ULK1: variants seen among roughly 807,000 people sequenced by gnomAD.
The protein encoded by ULK1 is serine/threonine-protein kinase ULK1.
Under a neutral mutation model 117.5 loss-of-function variants are expected in ULK1, and 48 were observed. The ratio of observed to expected loss-of-function variants is 0.41; its 90% confidence interval spans 0.32 to 0.52. ULK1 has a LOEUF of 0.52. Among genes scored for constraint, ULK1 ranks in the 20% least tolerant of loss-of-function variants. ULK1 has a pLI of 0.29. For synonymous variants in ULK1, 790 were observed against 637.8 expected, an observed-to-expected ratio of 1.24 and a Z score of -3.60; for missense variants, 1,387 against 1,473.4, an observed-to-expected ratio of 0.94 and a Z score of 0.96.
At position 131,921,533 on chromosome 12, in the gene ULK1, C is replaced by A. The variant is rs922043858; in HGVS notation, c.*172C>A. On this transcript the variant is annotated 3_prime_UTR_variant, in exon 28 of 28. Coordinates refer to ENST00000321867, the MANE Select transcript of ULK1 (RefSeq NM_003565.4). ...CTCCCTGCAGCTCACGGGGCAGAACCAGCACATCTGGAGCCACACAGCTTG... is the reference window on the plus strand; with the variant it reads ...CTCCCTGCAGCTCACGGGGCAGAACAAGCACATCTGGAGCCACACAGCTTG... The A allele has an allele frequency of 5.4e-6, 5 of 933,746 alleles. No homozygotes were observed. In the African/African-American group the frequency reaches 6.5e-5, roughly 12 times the overall value. The allele number at this position is 933,746 out of a possible 1,614,324, so 57.8% of individuals were successfully genotyped here. A position where few individuals can be genotyped will look rare whatever the true frequency, so the allele number is the denominator to read the frequency against.
rs61731339 is a variant in ULK1, at chr12:131,920,046, G to A, written c.2871G>A (p.Leu957=). The change falls in exon 26 of 28, where the codon CTG becomes CTA. Residue 957 remains leucine, a synonymous_variant. Transcript: ENST00000321867. ...CCTGCCAGGGCCTGAGCCTGCGGCTGCAGCGCTTCTTCCTGGACAAGCAGC... is the reference window on the plus strand; with the variant it reads ...CCTGCCAGGGCCTGAGCCTGCGGCTACAGCGCTTCTTCCTGGACAAGCAGC... The part of the protein sequence containing the change: ...VVSCQGLSLR[L]QRFFLDKQRL... 4.8e-4 allele frequency: 774 copies of A among 1,612,856 alleles called. 5 individuals carry two copies. In the African/African-American group the frequency reaches 8.1e-3, roughly 17 times the overall value.
chr12:131,906,686 A>G, intron 3 of ULK1: 1 of 630,558 alleles, frequency 1.6e-6, no homozygotes, highest in African/African-American at 1.8e-5. Flanking sequence ...TGCCTTGATC[A>G]GATGGAGACC....
chr12:131,916,345 C>T (rs902926379), intron 19 of ULK1, 53 bp from the exon 20 acceptor site: 37 of 1,526,244 alleles, frequency 2.4e-5, no homozygotes, highest in Non-Finnish European at 2.9e-5. Flanking sequence ...AGGCACCGGG[C>T]CCCAGGGCTG....
At chr12:131,912,248 C>T (rs575270902) in intron 13 of ULK1, among the ~76,000 whole-genome samples, 159 bp downstream of exon 13, 12 of 152,338 alleles carry the variant, frequency 7.9e-5, no homozygotes, top group Admixed American at 1.3e-4. Flanking sequence ...TTGGGGAGGC[C>T]GTGTCTGTTA....
intron 5 of ULK1, 73 bp from the exon 6 acceptor site, chr12:131,908,571 G>C: frequency 1.4e-6 from 2 of 1,404,350 alleles, no homozygotes; most frequent in Non-Finnish European, 1.8e-6. Context: ...TGGCGGGACC[G>C]GCCTGGCTGC....
At chr12:131,908,005 G>C (rs1593264665) in intron 5 of ULK1, among the ~76,000 whole-genome samples, 1 of 151,754 alleles carries the variant, frequency 6.6e-6, no homozygotes, top group South Asian at 2.1e-4. Context: ...GCGCGGGGGT[G>C]GGTGGGGCGC....
At chr12:131,907,027 C>T in intron 4 of ULK1, 103 bp downstream of exon 4, 1 of 1,495,438 alleles carries the variant, frequency 6.7e-7, no homozygotes, top group East Asian at 2.3e-5. Flanking sequence ...AGCACCTTTT[C>T]TTTTTTTTTG....
At position 131,895,588 on chromosome 12, in the gene ULK1, G is replaced by GT. The variant is rs1274279461; in HGVS notation, c.112-10dup. 6.2e-7 allele frequency: 1 copy of GT among 1,613,140 alleles called. No homozygotes were observed. The highest frequency in any genetic ancestry group is 2.2e-5 in the East Asian group (1 of 44,866). On this transcript the variant is annotated splice_polypyrimidine_tract_variant and intron_variant, in intron 1 of 27. Coordinates refer to ENST00000321867, the MANE Select transcript of ULK1 (RefSeq NM_003565.4). ...GGCAGCCCTGGCCTTGAAGGTGCAC[G>GT]TTTGGCTTTCAGAAGCACGATTTGG... is the stretch of plus-strand genomic sequence containing the variant.
chr12:131,921,507 C>A lies in ULK1; in HGVS notation c.*146C>A. The A allele has an allele frequency of 8.0e-7, 1 of 1,244,268 alleles. No individual in the cohort carries two copies. Among genetic ancestry groups the A allele is most frequent in the Non-Finnish European group, 1.1e-6 (1 of 875,948 alleles). The allele number at this position is 1,244,268 out of a possible 1,614,324, so 77.1% of individuals were successfully genotyped here. A position where few individuals can be genotyped will look rare whatever the true frequency, so the allele number is the denominator to read the frequency against. On this transcript the variant is annotated 3_prime_UTR_variant, in exon 28 of 28. Coordinates refer to ENST00000321867, the MANE Select transcript of ULK1 (RefSeq NM_003565.4). ...GCCCCACGGACAGTCAGCCTGCCGG[C>A]CTCCCTGCAGCTCACGGGGCAGAAC...
Position 131,922,529 on chromosome 12 carries a change from A to G in ULK1, c.*1168A>G, listed in dbSNP as rs1415177838. 7 of 156,594 alleles carry G rather than the reference A, an allele frequency of 4.5e-5. No individual in the cohort carries two copies. Among genetic ancestry groups the G allele is most frequent in the Non-Finnish European group, 8.5e-5 (6 of 70,840 alleles). 9.7% of individuals were successfully genotyped at this position (156,594 alleles called of 1,614,324 possible). A position where few individuals can be genotyped will look rare whatever the true frequency, so the allele number is the denominator to read the frequency against. ...GTCCCTCCCTGCCTCTGCCTTGCCC[A>G]AGGCCACGGAGGGCATCTGCAGAGA... On this transcript the variant is annotated 3_prime_UTR_variant, in exon 28 of 28. Transcript: ENST00000321867.
chr12:131,916,178 T>A lies in ULK1; in HGVS notation c.1878+19T>A. On this transcript the variant is annotated intron_variant, in intron 19 of 27. Transcript: ENST00000321867. The stretch of plus-strand genomic sequence containing the variant: ...CACCAAGGTAATGGGCACTGCCATG[T>A]GTGCAGGGGCACAGAGCCCTGGGGA... The A allele has an allele frequency of 1.9e-6, 3 of 1,604,278 alleles. No homozygotes were observed. Among genetic ancestry groups the A allele is most frequent in the Non-Finnish European group, 2.6e-6 (3 of 1,176,396 alleles).
rs887968915 is a variant in ULK1 at position 131,921,900 on chromosome 12, C to T, written c.*539C>T. ...GGGACTGCTGGGCAGCGATTCCTGG[C>T]AGTGGCCTGGTGTTTGTACATACAC... On this transcript the variant is annotated 3_prime_UTR_variant, in exon 28 of 28. Transcript: ENST00000321867. 2.2e-6 allele frequency: 1 copy of T among 457,352 alleles called. No individual in the cohort carries two copies. Among genetic ancestry groups the T allele is most frequent in the African/African-American group, 2.0e-5 (1 of 50,120 alleles). The allele number at this position is 457,352 out of a possible 1,614,324, so 28.3% of individuals were successfully genotyped here.
Position 131,909,198 on chromosome 12 carries a change from C to A in ULK1, c.627C>A (p.Thr209=). 3 of 1,609,638 alleles carry A rather than the reference C, an allele frequency of 1.9e-6. No individual in the cohort carries two copies. Among genetic ancestry groups the A allele is most frequent in the Non-Finnish European group, 2.5e-6 (3 of 1,178,504 alleles). ...DGKADLWSIG[T]IVYQCLTGKA... is the part of the protein sequence containing the mutation. Reference sequence around the variant, plus strand: ...AGGCGGACCTGTGGAGCATCGGCACCATCGTCTACCAGTGCCTGACGGGGA... The same window carrying A: ...AGGCGGACCTGTGGAGCATCGGCACAATCGTCTACCAGTGCCTGACGGGGA... The change falls in exon 8 of 28, where the codon ACC becomes ACA. Residue 209 remains threonine (T), a synonymous_variant. Transcript: ENST00000321867.
At position 131,910,699 on chromosome 12, in the gene ULK1, A is replaced by G; in HGVS notation, c.860-13A>G. ...GAGGATGGCCCAGACTGACCTATGC[A>G]TGTTTATCTCAGCCCCACCCGTGCC... On this transcript the variant is annotated splice_polypyrimidine_tract_variant and intron_variant, in intron 11 of 27. Coordinates refer to ENST00000321867, the MANE Select transcript of ULK1 (RefSeq NM_003565.4). 6.2e-7 allele frequency: 1 copy of G among 1,613,022 alleles called. No homozygotes were observed. The highest frequency in any genetic ancestry group is 1.1e-5 in the South Asian group (1 of 91,082).
At chr12:131,919,843 C>A in intron 25 of ULK1, 136 bp from the exon 26 acceptor site, 3 of 1,351,576 alleles carry the variant, frequency 2.2e-6, no homozygotes, top group Non-Finnish European at 3.0e-6. Context: ...CTGGCCACAC[C>A]CTCAAGGCCA....
rs750305412 is a variant in ULK1 at position 131,919,289 on chromosome 12, G to A, written c.2589G>A (p.Leu863=). The part of the protein sequence containing the change: ...FVQHVLEIAA[L]KGSASEAAGG... ...AGCACGTCCTGGAGATCGCAGCCCT[G>A]AAGGGCAGCGCCAGTGAGGCGGCGG... is the stretch of plus-strand genomic sequence containing the variant. Residue 863 remains leucine, a synonymous_variant, in exon 24 of 28, where the codon CTG becomes CTA. Transcript: ENST00000321867. 3.8e-6 allele frequency: 6 copies of A among 1,597,644 alleles called. No homozygotes were observed. The African/African-American group carries it at 8.0e-5, about 21-fold the overall frequency.
In ULK1 at chr12:131,906,968, T is replaced by C. The variant is rs201395416; in HGVS notation, c.279+44T>C. ...CAGGACAAGTGCAGGCTGATGGCCA[T>C]GGCCCTGGGAGCCCCACAGGGAGGG... is the stretch of plus-strand genomic sequence containing the variant. On this transcript the variant is annotated intron_variant, in intron 4 of 27. Coordinates refer to ENST00000321867, the MANE Select transcript of ULK1 (RefSeq NM_003565.4). 66 of 1,613,684 alleles carry C rather than the reference T, an allele frequency of 4.1e-5. No homozygotes were observed. In the African/African-American group the frequency reaches 6.7e-4, roughly 16 times the overall value.
At position 131,903,624 on chromosome 12, in the gene ULK1, C is replaced by G. The variant is rs568281486; in HGVS notation, c.247-3268C>G. 2.0e-5 allele frequency among the ~76,000 whole-genome samples: 3 copies of G among 152,252 alleles called. No individual in the cohort carries two copies. In the East Asian group the frequency reaches 5.8e-4, roughly 29 times the overall value. The stretch of plus-strand genomic sequence containing the variant: ...TCTGTCCCAGGGGAGTTGGGAAGAC[C>G]CGAATGCCTGTGGTGAGGTGGATGC... On this transcript the variant is annotated intron_variant, in intron 3 of 27. Transcript: ENST00000321867. The surrounding 1 kb of genome is among the most constrained non-coding windows in gnomAD (Gnocchi z 6.0).
At chr12:131,919,941 C>T in intron 25 of ULK1, 38 bp from the exon 26 acceptor site, 2 of 1,600,392 alleles carry the variant, frequency 1.2e-6, no homozygotes, top group Non-Finnish European at 1.7e-6. Flanking sequence ...TGCCCCGTGT[C>T]TGCTGCACCC....
Sources: allele counts gnomAD v4.1 joint callset (sites outside exome capture counted in the v4.1 genomes callset), GRCh38; gene constraint gnomAD v4.1.1; non-coding constraint Gnocchi (gnomAD v3.1); transcripts MANE v1.5; gene names NCBI Gene and HGNC (gene_info 2026-07-23, HGNC 2026-07-21).